FSIP1: variants seen among roughly 807,000 people sequenced by gnomAD.
FSIP1 encodes fibrous sheath-interacting protein 1.
A neutral mutation model predicts 60.9 loss-of-function variants in FSIP1; 65 were observed. The observed-to-expected ratio is 1.07, with a 90% confidence interval of 0.87 to 1.31. The LOEUF (loss-of-function observed/expected upper bound fraction) is 1.31. Ranked by LOEUF, FSIP1 falls within the 40% of genes most tolerant of loss-of-function variation. The pLI is 0.00. For missense variants in FSIP1, 675 were observed against 665.5 expected (o/e 1.01, Z -0.16); for synonymous variants, 209 against 221.2 (o/e 0.94, Z 0.49).
At chr15:39,710,911 C>A (rs1340262014) in intron 10 of FSIP1, among the ~76,000 whole-genome samples, 1 of 152,208 alleles carries the variant, frequency 6.6e-6, no homozygotes, top group Non-Finnish European at 1.5e-5. Context: ...CTTATCTACT[C>A]ATGTATTATT....
intron 2 of FSIP1, 40 bp from the exon 3 acceptor site, chr15:39,770,650 C>A (rs780835134): frequency 1.5e-6 from 2 of 1,315,688 alleles, no homozygotes; most frequent in Non-Finnish European, 2.0e-6. Context: ...TCCGAAAATA[C>A]TGTCTTTTTT....
At chr15:39,630,854 A>G (rs1156766795) in intron 10 of FSIP1, among the ~76,000 whole-genome samples, 5 of 152,150 alleles carry the variant, frequency 3.3e-5, no homozygotes, top group Admixed American at 3.3e-4. Flanking sequence ...TCCACACTCT[A>G]TCCGGCATCT....
intron 10 of FSIP1, among the ~76,000 whole-genome samples, chr15:39,643,840 T>C (rs1892475886): frequency 1.3e-5 from 2 of 152,244 alleles, no homozygotes; most frequent in Admixed American, 1.3e-4. Context: ...GGTACTCAAA[T>C]TGAATCTCAG....
At chr15:39,626,981 C>T (rs1007292247) in intron 10 of FSIP1, among the ~76,000 whole-genome samples, 2 of 151,446 alleles carry the variant, frequency 1.3e-5, no homozygotes, top group Non-Finnish European at 2.9e-5. Context: ...CCCTTCCCCC[C>T]TCACCCCAAT....
chr15:39,730,149 G>A (rs1369709100), intron 8 of FSIP1, among the ~76,000 whole-genome samples: 1 of 152,124 alleles, frequency 6.6e-6, no homozygotes, highest in Non-Finnish European at 1.5e-5. Context: ...AGTAGGTTAT[G>A]GTGGTCACAT....
chr15:39,769,724 G>T (rs2631714), intron 3 of FSIP1, among the ~76,000 whole-genome samples: 93,325 of 152,090 alleles, frequency 0.61, 29,732 homozygotes, highest in African/African-American at 0.79. Flanking sequence ...CACTGGCTAT[G>T]TCTTTTTCCT....
intron 5 of FSIP1, among the ~76,000 whole-genome samples, chr15:39,751,644 T>C (rs548235151): frequency 1.3e-5 from 2 of 151,844 alleles, no homozygotes; most frequent in Admixed American, 1.3e-4. Context: ...AAACAATGAT[T>C]ACCTGGGGAG....
chr15:39,721,102 A>G (rs1201975822), intron 9 of FSIP1, among the ~76,000 whole-genome samples: 1 of 152,198 alleles, frequency 6.6e-6, no homozygotes, highest in East Asian at 1.9e-4. Context: ...CAGTGAGCCC[A>G]TAAGGAAAAG....
At chr15:39,732,610 A>AC (rs1896448693) in intron 8 of FSIP1, among the ~76,000 whole-genome samples, 1 of 119,578 alleles carries the variant, frequency 8.4e-6, no homozygotes, top group African/African-American at 3.9e-5. Flanking sequence ...CAAGAGTGAA[A>AC]CTCCATCTCA....
intron 10 of FSIP1, among the ~76,000 whole-genome samples, chr15:39,648,285 TTTTAA>T (rs1462945536): frequency 3.3e-5 from 5 of 151,768 alleles, no homozygotes; most frequent in Non-Finnish European, 7.4e-5. Flanking sequence ...GAATTCTAAA[TTTTAA>T]TTTTAGTCTC....
intron 10 of FSIP1, among the ~76,000 whole-genome samples, chr15:39,661,258 T>C (rs976326976): frequency 1.3e-5 from 2 of 152,176 alleles, no homozygotes; most frequent in Non-Finnish European, 2.9e-5. Flanking sequence ...TCTATTTCAA[T>C]ATATAGAACA....
At chr15:39,621,293 A>G (rs534138329) in intron 10 of FSIP1, among the ~76,000 whole-genome samples, 23 of 152,310 alleles carry the variant, frequency 1.5e-4, no homozygotes, top group Non-Finnish European at 2.8e-4. Context: ...AGAGGCCCTG[A>G]GCTGAATCTT....
intron 11 of FSIP1, among the ~76,000 whole-genome samples, chr15:39,608,616 A>C (rs11070221): frequency 0.22 from 32,939 of 152,090 alleles, 4,639 homozygotes; most frequent in African/African-American, 0.39. Context: ...CATTTATTAA[A>C]TGAAGATCTT....
intron 11 of FSIP1, among the ~76,000 whole-genome samples, chr15:39,611,388 G>A (rs1393330941): frequency 6.6e-6 from 1 of 152,106 alleles, no homozygotes; most frequent in Non-Finnish European, 1.5e-5. Context: ...CTTGGCTGAA[G>A]TGATCTTCCC....
chr15:39,707,513 T>C (rs544943028), intron 10 of FSIP1, among the ~76,000 whole-genome samples: 6 of 152,192 alleles, frequency 3.9e-5, no homozygotes, highest in African/African-American at 1.4e-4. Context: ...CCTTGGTTCT[T>C]CTCCAAGGCT....
intron 10 of FSIP1, among the ~76,000 whole-genome samples, chr15:39,698,998 C>G (rs941070840): frequency 3.9e-5 from 6 of 152,190 alleles, no homozygotes; most frequent in African/African-American, 1.4e-4. Flanking sequence ...CTGCCCTAGC[C>G]TCCTCTGTCT....
intron 10 of FSIP1, among the ~76,000 whole-genome samples, chr15:39,624,466 C>T (rs7169478): frequency 0.13 from 20,086 of 152,166 alleles, 1,477 homozygotes; most frequent in East Asian, 0.28. Flanking sequence ...ACAGCACTAT[C>T]GAGTCTGAAT....
At chr15:39,632,267 T>C (rs1445205587) in intron 10 of FSIP1, among the ~76,000 whole-genome samples, 2 of 152,150 alleles carry the variant, frequency 1.3e-5, no homozygotes, top group Non-Finnish European at 2.9e-5. Flanking sequence ...AATCTCCACC[T>C]GCTGGGCTCA....
At chr15:39,604,076 C>T (rs1395167238) in intron 11 of FSIP1, among the ~76,000 whole-genome samples, 1 of 152,210 alleles carries the variant, frequency 6.6e-6, no homozygotes, top group Non-Finnish European at 1.5e-5. Flanking sequence ...GGATTATAGG[C>T]ATGCACCACC....
Sources: gnomAD v4.1 joint callset for allele counts (sites outside exome capture counted in the v4.1 genomes callset) on GRCh38, gnomAD v4.1.1 for gene constraint, MANE v1.5 for transcripts, NCBI Gene and HGNC (gene_info 2026-07-23, HGNC 2026-07-21) for gene names.